The following ZSWIM6 variants were observed in gnomAD, a reference collection of about 807,000 sequenced individuals.
ZSWIM6 encodes the protein zinc finger SWIM-type containing 6, also known as zinc finger SWIM domain-containing protein 6.
A neutral mutation model predicts 113.2 loss-of-function variants in ZSWIM6; 9 were observed. The observed-to-expected ratio is 0.08, with a 90% confidence interval of 0.05 to 0.14. ZSWIM6 has a LOEUF of 0.14. Among genes scored for constraint, ZSWIM6 ranks in the 10% least tolerant of loss-of-function variants. The pLI, the probability that ZSWIM6 is intolerant of heterozygous loss-of-function variation, is 1.00. For missense variants in ZSWIM6, 1,162 were observed against 1,552.2 expected (o/e 0.75, Z 4.22); for synonymous variants, 611 against 606.5 (o/e 1.01, Z -0.11).
intron 3 of ZSWIM6, 143 bp downstream of exon 3, chr5:61,491,077 GTA>G: frequency 1.4e-6 from 1 of 726,506 alleles, no homozygotes; most frequent in Non-Finnish European, 2.0e-6. Context: ...CTTTTGTATT[GTA>G]ATGCAAGCTA....
At chr5:61,345,674 G>T (rs1373201043) in intron 1 of ZSWIM6, among the ~76,000 whole-genome samples, 1 of 152,184 alleles carries the variant, frequency 6.6e-6, no homozygotes, top group Admixed American at 6.5e-5. Flanking sequence ...GAGTAGTGGT[G>T]TAATGTTCTT....
chr5:61,451,027 G>C lies in ZSWIM6; in HGVS notation c.677-21654G>C, dbSNP rs974204704. 7.9e-5 allele frequency among the ~76,000 whole-genome samples: 12 copies of C among 152,180 alleles called. 1 individual carries two copies. Among genetic ancestry groups the C allele is most frequent in the Admixed American group, 6.5e-4 (10 of 15,276 alleles). ...TCCTTTTACCTTAAAAGTATGTCCT[G>C]AACCCTGAAGACTGACCATCTGGCT... On this transcript the variant is annotated intron_variant, in intron 1 of 13. Transcript: ENST00000252744.
chr5:61,491,330 G>A (rs1007154494), intron 3 of ZSWIM6, among the ~76,000 whole-genome samples: 6 of 151,834 alleles, frequency 4.0e-5, no homozygotes, highest in African/African-American at 1.2e-4. Context: ...GTTTAATAAT[G>A]TCAGTATCTG....
At chr5:61,362,536 A>C (rs1484714380) in intron 1 of ZSWIM6, among the ~76,000 whole-genome samples, 2 of 152,126 alleles carry the variant, frequency 1.3e-5, no homozygotes, top group African/African-American at 2.4e-5. Flanking sequence ...GCAGTAGAAG[A>C]AGCTTGCACA....
chr5:61,455,443 T>C (rs1474549862), intron 1 of ZSWIM6, among the ~76,000 whole-genome samples: 1 of 152,204 alleles, frequency 6.6e-6, no homozygotes, highest in Non-Finnish European at 1.5e-5. Context: ...AATCTCCGAC[T>C]TGTACTCGGA....
rs1491485331 is a variant in ZSWIM6 at position 61,505,749 on chromosome 5, CTT to C, written c.1333+11341_1333+11342del. On this transcript the variant is annotated intron_variant, in intron 4 of 13. Transcript: ENST00000252744. ...CTTCCCTCTCTCTCTCTCTCTCTCT[CTT>C]TCTTTCTTTCTTTTTTTGAGACAGT... Among the ~76,000 whole-genome samples, 22 of 140,794 alleles carry C rather than the reference CTT, an allele frequency of 1.6e-4. 2 individuals are homozygous for C. Among genetic ancestry groups the C allele is most frequent in the Middle Eastern group, 3.6e-3 (1 of 274 alleles). The allele number at this position is 140,794 out of a possible 152,430, so 92.4% of individuals were successfully genotyped here.
chr5:61,499,937 C>T (rs987836562), intron 4 of ZSWIM6, among the ~76,000 whole-genome samples: 1 of 152,036 alleles, frequency 6.6e-6, no homozygotes, highest in Non-Finnish European at 1.5e-5. Context: ...TGAAACAATC[C>T]TGTGAAATAG....
chr5:61,418,283 T>G (rs1746293327), intron 1 of ZSWIM6, among the ~76,000 whole-genome samples: 1 of 152,152 alleles, frequency 6.6e-6, no homozygotes, highest in Non-Finnish European at 1.5e-5. Context: ...TATTTATTTT[T>G]TTGAGGCGAA....
chr5:61,356,316 T>G (rs1189809395), intron 1 of ZSWIM6, among the ~76,000 whole-genome samples: 2 of 152,200 alleles, frequency 1.3e-5, no homozygotes, highest in Non-Finnish European at 2.9e-5. Flanking sequence ...GTTTTTTATC[T>G]TAAATTTTAA....
intron 1 of ZSWIM6, among the ~76,000 whole-genome samples, chr5:61,369,255 G>T (rs1745218407): frequency 1.3e-5 from 2 of 152,154 alleles, no homozygotes; most frequent in South Asian, 4.1e-4. Flanking sequence ...CCCTATTAGA[G>T]AATTTATCTT....
intron 4 of ZSWIM6, among the ~76,000 whole-genome samples, chr5:61,513,909 G>C (rs1218696534): frequency 6.6e-6 from 1 of 151,846 alleles, no homozygotes; most frequent in African/African-American, 2.4e-5. Context: ...TTACAACTTT[G>C]CCCTTTTTAA....
At chr5:61,349,226 T>C (rs1357365833) in intron 1 of ZSWIM6, among the ~76,000 whole-genome samples, 1 of 152,216 alleles carries the variant, frequency 6.6e-6, no homozygotes, top group Non-Finnish European at 1.5e-5. Flanking sequence ...AGCATTTAAA[T>C]ACAAAGTCTT....
chr5:61,475,997 T>G (rs1747700369), intron 2 of ZSWIM6, among the ~76,000 whole-genome samples: 1 of 152,188 alleles, frequency 6.6e-6, no homozygotes, highest in African/African-American at 2.4e-5. Context: ...AAGCATCACT[T>G]TTACCTCGCA....
intron 1 of ZSWIM6, among the ~76,000 whole-genome samples, chr5:61,347,982 G>A (rs1207585060): frequency 6.6e-6 from 1 of 152,184 alleles, no homozygotes; most frequent in Non-Finnish European, 1.5e-5. Context: ...AGCACTTTGG[G>A]AGGCTGAGGC....
intron 3 of ZSWIM6, 112 bp from the exon 4 acceptor site, chr5:61,494,148 A>ACACACG (rs1282747080): frequency 2.6e-4 from 181 of 703,090 alleles, no homozygotes; most frequent in African/African-American, 2.1e-3. Context: ...ACACACACGG[A>ACACACG]GAGAGAGAGA....
chr5:61,511,440 G>T (rs897396555), intron 4 of ZSWIM6, among the ~76,000 whole-genome samples: 8 of 151,926 alleles, frequency 5.3e-5, no homozygotes, highest in African/African-American at 9.7e-5. Context: ...TTTTCTTATC[G>T]CTATGGTCTG....
intron 1 of ZSWIM6, among the ~76,000 whole-genome samples, chr5:61,387,026 G>A (rs1270709142): frequency 6.6e-6 from 1 of 152,068 alleles, no homozygotes; most frequent in Non-Finnish European, 1.5e-5. Flanking sequence ...TTATGATATT[G>A]ATAATGAGCA....
At chr5:61,517,778 A>ATTTATTTAT (rs972739075) in intron 4 of ZSWIM6, among the ~76,000 whole-genome samples, 23 of 147,708 alleles carry the variant, frequency 1.6e-4, no homozygotes, top group African/African-American at 5.7e-4. Context: ...TAATTATTTA[A>ATTTATTTAT]TTATTTATTT....
intron 4 of ZSWIM6, among the ~76,000 whole-genome samples, chr5:61,509,948 A>T (rs536517949): frequency 6.6e-6 from 1 of 152,042 alleles, no homozygotes; most frequent in African/African-American, 2.4e-5. Context: ...TCAACATCCA[A>T]GTCTTTCATC....
Sources: gnomAD v4.1 joint callset for allele counts (sites outside exome capture counted in the v4.1 genomes callset) on GRCh38, gnomAD v4.1.1 for gene constraint, MANE v1.5 for transcripts, NCBI Gene and HGNC (gene_info 2026-07-23, HGNC 2026-07-21) for gene names.